The following PLEKHH2 variants were observed in gnomAD, a reference collection of about 807,000 sequenced individuals.
The protein encoded by PLEKHH2 is pleckstrin homology domain-containing family H member 2.
A neutral mutation model predicts 187.9 loss-of-function variants in PLEKHH2; 129 were observed. The observed-to-expected ratio is 0.69, with a 90% CI of 0.59 to 0.79. The LOEUF (loss-of-function observed/expected upper bound fraction) is 0.79, where lower values mean the gene tolerates loss of function less well. PLEKHH2 is among the 30% of genes least tolerant of loss of function. The pLI is 0.00. For missense variants in PLEKHH2, 2,076 were observed against 1,751.2 expected, an observed-to-expected ratio of 1.19 and a Z score of -3.31; for synonymous variants, 686 against 605.6, an observed-to-expected ratio of 1.13 and a Z score of -1.95.
At chr2:43,674,240 T>G (rs1667619721) in intron 2 of PLEKHH2, among the ~76,000 whole-genome samples, 1 of 152,196 alleles carries the variant, frequency 6.6e-6, no homozygotes, top group South Asian at 2.1e-4. Flanking sequence ...AGAACTATTT[T>G]TTTCACTAGC....
rs183469664 is a variant in PLEKHH2 at position 43,760,512 on chromosome 2, A to G, written c.4071+1483A>G. ...CAAGTAGCTGGGATTACAGGCGCAC[A>G]CCACCACGCTCAGCTAATTTTTATA... On this transcript the variant is annotated intron_variant, in intron 27 of 29. Coordinates refer to ENST00000282406, the MANE Select transcript of PLEKHH2 (RefSeq NM_172069.4). Among the ~76,000 whole-genome samples the G allele has an allele frequency of 7.4e-3, 1,118 of 152,060 alleles. 15 individuals carry two copies. The highest frequency in any genetic ancestry group is 0.025 in the African/African-American group (1,051 of 41,486).
At position 43,740,635 on chromosome 2, in the gene PLEKHH2, C is replaced by T. The variant is rs553222631; in HGVS notation, c.3124-311C>T. On this transcript the variant is annotated intron_variant, in intron 20 of 29. Coordinates refer to ENST00000282406, the MANE Select transcript of PLEKHH2 (RefSeq NM_172069.4). ...TTGTATTTCAAGGAATGAGTAAATA[C>T]GTAAGTGAAAAAAAAGAAACAATGT... Among the ~76,000 whole-genome samples the T allele has an allele frequency of 3.9e-5, 6 of 151,950 alleles. No individual in the cohort carries two copies. The South Asian group carries it at 1.2e-3, about 32-fold the overall frequency.
chr2:43,751,026 C>T (rs943182701), intron 24 of PLEKHH2, among the ~76,000 whole-genome samples: 1 of 152,186 alleles, frequency 6.6e-6, no homozygotes, highest in Admixed American at 6.5e-5. Context: ...TACTATGTGG[C>T]CCTGAGCAAG....
At chr2:43,645,804 G>C (rs1400366276) in intron 2 of PLEKHH2, among the ~76,000 whole-genome samples, 1 of 152,098 alleles carries the variant, frequency 6.6e-6, no homozygotes, top group Non-Finnish European at 1.5e-5. Context: ...TGGATGAATG[G>C]ATGAATGATA....
In PLEKHH2 at chr2:43,702,661, A is replaced by G. The variant is rs138373078; in HGVS notation, c.1651-1320A>G. On this transcript the variant is annotated intron_variant, in intron 8 of 29. Transcript: ENST00000282406. ...AGTCTGAGATTTTATTTCTGTGTTTATTAGGTATTTTCAGGTTTCAAGGAA... is the reference window on the plus strand; with the variant it reads ...AGTCTGAGATTTTATTTCTGTGTTTGTTAGGTATTTTCAGGTTTCAAGGAA... 3.1e-3 allele frequency among the ~76,000 whole-genome samples: 467 copies of G among 148,842 alleles called. 3 individuals are homozygous for G. Among genetic ancestry groups the G allele is most frequent in the African/African-American group, 0.011 (442 of 40,374 alleles).
intron 2 of PLEKHH2, 80 bp from the exon 3 acceptor site, chr2:43,678,783 T>A: frequency 1.2e-6 from 1 of 807,356 alleles, no homozygotes; most frequent in South Asian, 1.8e-5. Context: ...GGTAGAATTA[T>A]GAGATTTTTA....
chr2:43,729,115 A>G (rs943187188), intron 17 of PLEKHH2, among the ~76,000 whole-genome samples: 3 of 152,202 alleles, frequency 2.0e-5, no homozygotes, highest in African/African-American at 7.2e-5. Flanking sequence ...CTTGTACTAT[A>G]TTACTAAAAT....
chr2:43,687,211 G>A (rs914815489), intron 3 of PLEKHH2, among the ~76,000 whole-genome samples: 2 of 152,040 alleles, frequency 1.3e-5, no homozygotes, highest in Admixed American at 6.6e-5. Flanking sequence ...TGTATTTAAT[G>A]TTTAGCTCCC....
At chr2:43,764,906 T>C (rs1398910543) in intron 29 of PLEKHH2, among the ~76,000 whole-genome samples, 1 of 152,262 alleles carries the variant, frequency 6.6e-6, no homozygotes, top group East Asian at 1.9e-4. Context: ...AAAGTGATTT[T>C]CCTACAACTT....
chr2:43,757,234 A>G lies in PLEKHH2; in HGVS notation c.3911A>G (p.Tyr1304Cys). The G allele has an allele frequency of 6.3e-7, 1 of 1,594,606 alleles. No homozygotes were observed. The highest frequency in any genetic ancestry group is 8.5e-7 in the Non-Finnish European group (1 of 1,172,348). ...ATAGAGAAATTTTATCCTAAAAGGT[A>G]TAGAGATGGCTGTTCTGAAGAGCAG... ...QVIEKFYPKR[Y>C]RDGCSEEQLR... Residue 1304 changes from tyrosine to cysteine, a missense_variant, in exon 26 of 30, where the codon TAT becomes TGT. Coordinates refer to ENST00000282406, the MANE Select transcript of PLEKHH2 (RefSeq NM_172069.4).
At position 43,687,304 on chromosome 2, in the gene PLEKHH2, G is replaced by A. The variant is rs115575862; in HGVS notation, c.187-5210G>A. ...GATAATGACCTCCAGTTGCATCCATGTTGCTACAAAGGACATGATCTCATT... is the reference window on the plus strand; with the variant it reads ...GATAATGACCTCCAGTTGCATCCATATTGCTACAAAGGACATGATCTCATT... On this transcript the variant is annotated intron_variant, in intron 3 of 29. Coordinates refer to ENST00000282406, the MANE Select transcript of PLEKHH2 (RefSeq NM_172069.4). 4.1e-3 allele frequency among the ~76,000 whole-genome samples: 618 copies of A among 152,288 alleles called. 7 individuals carry two copies. The highest frequency in any genetic ancestry group is 0.014 in the African/African-American group (586 of 41,562).
rs1282803042 is a variant in PLEKHH2 at position 43,743,706 on chromosome 2, A to T, written c.3400-128A>T. Reference sequence around the variant, plus strand: ...TTCTCCAGAGGAGCTTTGGGAAAAAAAGTTGAAGCACCTAGAAAAATATGT... The same window carrying T: ...TTCTCCAGAGGAGCTTTGGGAAAAATAGTTGAAGCACCTAGAAAAATATGT... On this transcript the variant is annotated intron_variant, in intron 22 of 29. Coordinates refer to ENST00000282406, the MANE Select transcript of PLEKHH2 (RefSeq NM_172069.4). 5.5e-6 allele frequency: 5 copies of T among 915,624 alleles called. No individual in the cohort carries two copies. The East Asian group carries it at 1.5e-4, about 27-fold the overall frequency. 56.7% of individuals were successfully genotyped at this position (915,624 alleles called of 1,614,324 possible).
In PLEKHH2 at chr2:43,766,523, G is replaced by A; in HGVS notation, c.*925G>A. ...TGCCCAGGCTGGTCTTGAACTCCTG[G>A]CCTCAAGCAATCCTCTCTCCTCAGC... On this transcript the variant is annotated 3_prime_UTR_variant, in exon 30 of 30. Coordinates refer to ENST00000282406, the MANE Select transcript of PLEKHH2 (RefSeq NM_172069.4). 1 of 152,790 alleles carries A rather than the reference G, an allele frequency of 6.5e-6. No individual in the cohort carries two copies. Among genetic ancestry groups the A allele is most frequent in the Non-Finnish European group, 1.5e-5 (1 of 68,384 alleles). 9.5% of individuals were successfully genotyped at this position (152,790 alleles called of 1,614,324 possible).
At chr2:43,757,081 T>C (rs1222656684) in intron 25 of PLEKHH2, 38 bp from the exon 26 acceptor site, 2 of 1,467,434 alleles carry the variant, frequency 1.4e-6, no homozygotes, top group Non-Finnish European at 1.8e-6. Context: ...CTTAAAACTC[T>C]TTTCAATATA....
chr2:43,764,523 C>A (rs1283927830), intron 29 of PLEKHH2, among the ~76,000 whole-genome samples, 158 bp downstream of exon 29: 1 of 152,128 alleles, frequency 6.6e-6, no homozygotes, highest in African/African-American at 2.4e-5. Flanking sequence ...TATAGTCAAA[C>A]AAACATGGGT....
rs1448060639 is a variant in PLEKHH2 at position 43,699,659 on chromosome 2, C to T, written c.701C>T (p.Pro234Leu). The T allele has an allele frequency of 1.9e-6, 3 of 1,610,256 alleles. No homozygotes were observed. Among genetic ancestry groups the T allele is most frequent in the African/African-American group, 2.7e-5 (2 of 74,506 alleles). Residue 234 changes from proline to leucine, a missense_variant, in exon 8 of 30, where the codon CCA (proline) becomes CTA (leucine). Transcript: ENST00000282406. ...TATCCTTTTCTAGAAATGGAAATTC[C>T]AGAAAAGTCTGTTGATAACCAAGTT... is the stretch of plus-strand genomic sequence containing the variant. ...EGKDMEEMEI[P>L]EKSVDNQVLE...
chr2:43,666,625 A>G (rs1017994550), intron 2 of PLEKHH2, among the ~76,000 whole-genome samples: 2 of 152,132 alleles, frequency 1.3e-5, no homozygotes, highest in African/African-American at 2.4e-5. Flanking sequence ...GGCATATTCA[A>G]TCTTTGTAAT....
chr2:43,646,808 A>C lies in PLEKHH2; in HGVS notation c.123+2012A>C, dbSNP rs540015434. On this transcript the variant is annotated intron_variant, in intron 2 of 29. Coordinates refer to ENST00000282406, the MANE Select transcript of PLEKHH2 (RefSeq NM_172069.4). Reference sequence around the variant, plus strand: ...TCTAGTTGTGGTTTCTTTTTCTTTAATTTTCTTCTTCTTTTTTTTTTTTTG... The same window carrying C: ...TCTAGTTGTGGTTTCTTTTTCTTTACTTTTCTTCTTCTTTTTTTTTTTTTG... Among the ~76,000 whole-genome samples, 4 of 145,218 alleles carry C rather than the reference A, an allele frequency of 2.8e-5. No individual in the cohort carries two copies. In the South Asian group the frequency reaches 8.7e-4, roughly 31 times the overall value.
chr2:43,734,134 A>G (rs1273118412), intron 19 of PLEKHH2, among the ~76,000 whole-genome samples: 1 of 152,148 alleles, frequency 6.6e-6, no homozygotes, highest in East Asian at 1.9e-4. Flanking sequence ...ATATGAGTAG[A>G]GAGAATATTA....
Sources: gnomAD v4.1 joint callset for allele counts (sites outside exome capture counted in the v4.1 genomes callset) on GRCh38, gnomAD v4.1.1 for gene constraint, MANE v1.5 for transcripts, NCBI Gene and HGNC (gene_info 2026-07-23, HGNC 2026-07-21) for gene names.